RAPH1: variants seen among roughly 807,000 people sequenced by gnomAD.
The protein encoded by RAPH1 is Ras association (RalGDS/AF-6) and pleckstrin homology domains 1.
In RAPH1, 18 loss-of-function variants were observed where a neutral mutation model predicts 88.1. The observed-to-expected ratio is 0.20, with a 90% confidence interval of 0.14 to 0.30. The LOEUF (loss-of-function observed/expected upper bound fraction) is 0.30, where lower values mean the gene tolerates loss of function less well. Ranked by LOEUF, RAPH1 falls within the 10% of genes least tolerant of loss-of-function variation. The pLI, the probability that RAPH1 is intolerant of heterozygous loss-of-function variation, is 1.00. For missense variants in RAPH1, 1,448 were observed against 1,543.2 expected, an observed-to-expected ratio of 0.94 and a Z score of 1.03; for synonymous variants, 587 against 559.0, an observed-to-expected ratio of 1.05 and a Z score of -0.71.
intron 4 of RAPH1, among the ~76,000 whole-genome samples, chr2:203,474,616 A>C (rs1333256007): frequency 6.6e-6 from 1 of 152,206 alleles, no homozygotes; most frequent in Non-Finnish European, 1.5e-5. Context: ...CCAATGGAAA[A>C]CTAGCTTGAA....
At chr2:203,515,484 T>C (rs1202227484) in intron 1 of RAPH1, among the ~76,000 whole-genome samples, 4 of 152,214 alleles carry the variant, frequency 2.6e-5, no homozygotes, top group Non-Finnish European at 4.4e-5. Flanking sequence ...TAAAATGACA[T>C]TCGGCTAAAT....
intron 12 of RAPH1, chr2:203,445,273 T>C (rs2098508453): frequency 2.9e-6 from 1 of 350,172 alleles, no homozygotes; most frequent in Non-Finnish European, 5.1e-6. Flanking sequence ...CATAACATTA[T>C]TGGTATCCTG....
intron 13 of RAPH1, chr2:203,441,756 T>G: frequency 7.8e-7 from 1 of 1,283,710 alleles, no homozygotes; most frequent in Non-Finnish European, 9.8e-7. Flanking sequence ...CTGCCCTACA[T>G]GGAACCCTCT....
Position 203,440,808 on chromosome 2 carries a change from C to T in RAPH1, c.2382G>A (p.Val794=). The T allele has an allele frequency of 1.9e-6, 3 of 1,597,538 alleles. No individual in the cohort carries two copies. The highest frequency in any genetic ancestry group is 2.6e-6 in the Non-Finnish European group (3 of 1,173,838). The change falls in exon 14 of 14, where the codon GTG becomes GTA. Residue 794 remains valine, a synonymous_variant. Transcript: ENST00000319170. ...TIPAPTSTKT[V]APVVTQAAPP... ...GTGCAGCTTGAGTCACAACAGGTGC[C>T]ACAGTCTTGGTGCTGGTTGGTGCGG...
intron 9 of RAPH1, among the ~76,000 whole-genome samples, chr2:203,455,041 A>G (rs1415712670): frequency 6.6e-6 from 1 of 152,192 alleles, no homozygotes; most frequent in Non-Finnish European, 1.5e-5. Flanking sequence ...CCTGGTGCCA[A>G]TAAGCACCGA....
At chr2:203,450,606 G>C (rs1277596721) in intron 10 of RAPH1, among the ~76,000 whole-genome samples, 3 of 152,218 alleles carry the variant, frequency 2.0e-5, no homozygotes, top group African/African-American at 4.8e-5. Context: ...CTTCAGGTAG[G>C]TTTAGTGATG....
chr2:203,480,702 G>C (rs989159255), intron 4 of RAPH1, among the ~76,000 whole-genome samples: 1 of 152,228 alleles, frequency 6.6e-6, no homozygotes, highest in Non-Finnish European at 1.5e-5. Context: ...CTGGAAAGAA[G>C]TGGAGGCTTA....
chr2:203,533,165 T>G (rs1190258091), intron 1 of RAPH1, among the ~76,000 whole-genome samples: 2 of 152,188 alleles, frequency 1.3e-5, no homozygotes. Flanking sequence ...TCCACTCCTT[T>G]CACCCAGTCA....
intron 1 of RAPH1, among the ~76,000 whole-genome samples, chr2:203,519,234 C>T (rs148488714): frequency 6.6e-6 from 1 of 152,232 alleles, no homozygotes; most frequent in Non-Finnish European, 1.5e-5. Context: ...AACATAGATG[C>T]AAAAATCCTC....
At chr2:203,499,030 A>C (rs758540254) in intron 1 of RAPH1, among the ~76,000 whole-genome samples, 3 of 152,216 alleles carry the variant, frequency 2.0e-5, no homozygotes, top group Non-Finnish European at 4.4e-5. Flanking sequence ...GGAGTAGACT[A>C]TACCACCTGG....
intron 1 of RAPH1, among the ~76,000 whole-genome samples, chr2:203,500,984 T>A (rs555155104): frequency 6.8e-4 from 103 of 152,174 alleles, no homozygotes; most frequent in Non-Finnish European, 1.2e-3. Flanking sequence ...ACACCTCCTA[T>A]GCTGTTCTAA....
At chr2:203,441,610 A>G (rs1423749817) in intron 13 of RAPH1, 197 bp from the exon 14 acceptor site, 2 of 1,341,950 alleles carry the variant, frequency 1.5e-6, no homozygotes, top group Non-Finnish European at 1.9e-6. Flanking sequence ...CAAGAAGGAA[A>G]CAGAAAACTT....
chr2:203,500,409 G>C (rs932293567), intron 1 of RAPH1, among the ~76,000 whole-genome samples: 3 of 152,186 alleles, frequency 2.0e-5, no homozygotes, highest in Admixed American at 6.5e-5. Context: ...GGGTGGTACA[G>C]ACTCATGGAA....
chr2:203,489,522 TTAATA>T, intron 4 of RAPH1, 57 bp downstream of exon 4: 1 of 1,198,740 alleles, frequency 8.3e-7, no homozygotes, highest in Non-Finnish European at 1.1e-6. Context: ...TAAAATTATT[TTAATA>T]TAATTTCTCC....
intron 2 of RAPH1, among the ~76,000 whole-genome samples, chr2:203,494,906 C>T (rs1426452970): frequency 2.0e-5 from 3 of 150,316 alleles, no homozygotes; most frequent in African/African-American, 7.3e-5. Flanking sequence ...ACTAAGGTAA[C>T]AGGGTTTTCT....
intron 4 of RAPH1, chr2:203,470,229 G>C: frequency 6.3e-7 from 1 of 1,593,536 alleles, no homozygotes; most frequent in African/African-American, 1.3e-5. Context: ...GCATGTGGAA[G>C]AAGTATCACC....
rs1333574373 is a variant in RAPH1 at position 203,439,329 on chromosome 2, C to G, written c.*108G>C. ...ACATACACATATAGCTGGACACTAC[C>G]TGAATAACATCATACCAGGAGGCTC... On this transcript the variant is annotated 3_prime_UTR_variant, in exon 14 of 14. Coordinates refer to ENST00000319170, the MANE Select transcript of RAPH1 (RefSeq NM_213589.3). 9.8e-7 allele frequency: 1 copy of G among 1,018,528 alleles called. No homozygotes were observed. The highest frequency in any genetic ancestry group is 1.5e-6 in the Non-Finnish European group (1 of 677,678). The allele number at this position is 1,018,528 out of a possible 1,614,324, so 63.1% of individuals were successfully genotyped here.
chr2:203,458,662 T>C (rs1161130331), intron 7 of RAPH1, among the ~76,000 whole-genome samples: 1 of 152,238 alleles, frequency 6.6e-6, no homozygotes. Context: ...TTTTGTTTTT[T>C]AGAACCTGGA....
chr2:203,497,295 T>G (rs901521894), intron 1 of RAPH1, among the ~76,000 whole-genome samples: 1 of 152,214 alleles, frequency 6.6e-6, no homozygotes, highest in Non-Finnish European at 1.5e-5. Context: ...GAAAATTAAT[T>G]TCTGTTCTTT....
Sources: allele counts gnomAD v4.1 joint callset (sites outside exome capture counted in the v4.1 genomes callset), GRCh38; gene constraint gnomAD v4.1.1; transcripts MANE v1.5; gene names NCBI Gene and HGNC (gene_info 2026-07-23, HGNC 2026-07-21).